COL21A1: variants seen among roughly 807,000 people sequenced by gnomAD.
COL21A1 encodes the protein collagen alpha-1(XXI) chain.
A neutral mutation model predicts 137.9 loss-of-function variants in COL21A1; 149 were observed. That is an observed-to-expected ratio of 1.08 (90% CI 0.95 to 1.24). The LOEUF is 1.24. Among genes scored for constraint, COL21A1 ranks in the 50% most tolerant of loss-of-function variants. COL21A1 has a pLI of 0.00. For missense variants in COL21A1, 1,167 were observed against 1,158.4 expected, an observed-to-expected ratio of 1.01 and a Z score of -0.11; for synonymous variants, 456 against 391.5, an observed-to-expected ratio of 1.16 and a Z score of -1.95.
chr6:56,068,330 A>T (rs140641558), intron 22 of COL21A1, among the ~76,000 whole-genome samples: 1 of 151,714 alleles, frequency 6.6e-6, no homozygotes, highest in African/African-American at 2.4e-5. Flanking sequence ...ATAAAAACCG[A>T]TAGATTTACT....
intron 14 of COL21A1, 47 bp downstream of exon 14, chr6:56,125,520 A>G: frequency 7.4e-7 from 1 of 1,349,450 alleles, no homozygotes. Flanking sequence ...TGTTTCCATT[A>G]CATTAAAAGT....
chr6:56,371,969 G>A (rs2093989963), intron 1 of COL21A1, among the ~76,000 whole-genome samples: 1 of 152,160 alleles, frequency 6.6e-6, no homozygotes. Flanking sequence ...AAGAAACAGG[G>A]AGGCCAGAGG....
chr6:56,168,378 T>A (rs1776763343), intron 5 of COL21A1, 81 bp from the exon 6 acceptor site: 1 of 1,192,404 alleles, frequency 8.4e-7, no homozygotes, highest in Non-Finnish European at 1.1e-6. Context: ...CCCTTGTTCC[T>A]AACCATTGCT....
At chr6:56,260,684 G>T (rs1366027598) in intron 1 of COL21A1, among the ~76,000 whole-genome samples, 6 of 126,658 alleles carry the variant, frequency 4.7e-5, no homozygotes, top group Non-Finnish European at 8.3e-5. Context: ...AGGAAGGAAG[G>T]AAGGAAGGCA....
At chr6:56,166,770 A>G (rs1582536305) in intron 7 of COL21A1, 136 bp downstream of exon 7, 1 of 749,684 alleles carries the variant, frequency 1.3e-6, no homozygotes, top group African/African-American at 1.7e-5. Flanking sequence ...GCTTCATGTA[A>G]CTTCACTTCC....
chr6:56,135,430 A>T (rs17219063), intron 12 of COL21A1, among the ~76,000 whole-genome samples: 22,795 of 152,014 alleles, frequency 0.15, 1,745 homozygotes, highest in Middle Eastern at 0.22. Context: ...TAAACTATAC[A>T]GGTGAAAATT....
chr6:56,373,474 T>C (rs1431218253), intron 1 of COL21A1, among the ~76,000 whole-genome samples: 3 of 152,056 alleles, frequency 2.0e-5, no homozygotes, highest in Non-Finnish European at 4.4e-5. Context: ...TGGTGGCACA[T>C]GCCTGTAGTC....
At position 56,060,152 on chromosome 6, in the gene COL21A1, C is replaced by G. The variant is rs1453847218; in HGVS notation, c.2474G>C (p.Gly825Ala). ...RNCDHCLSQH[G>A]SPGIPGPPGP... ...AGGTGGCCCAGGAATACCCGGGGAG[C>G]CATGTTGGGACAGGCAATGATCACA... Residue 825 changes from glycine (G) to alanine (A), a missense_variant, in exon 28 of 30, where the codon GGC (glycine) becomes GCC (alanine). Physicochemically the swap from Gly to Ala is moderately conservative, Grantham distance 60. Transcript: ENST00000244728. 1 of 1,611,108 alleles carries G rather than the reference C, an allele frequency of 6.2e-7. No homozygotes were observed. Among genetic ancestry groups the G allele is most frequent in the East Asian group, 2.2e-5 (1 of 44,496 alleles).
intron 3 of COL21A1, among the ~76,000 whole-genome samples, chr6:56,171,485 T>C (rs1418512159): frequency 6.6e-6 from 1 of 151,958 alleles, no homozygotes; most frequent in Non-Finnish European, 1.5e-5. Flanking sequence ...GAACAGGATT[T>C]ATCATTCTCA....
At chr6:56,122,563 A>T (rs1381146501) in intron 16 of COL21A1, among the ~76,000 whole-genome samples, 3 of 152,204 alleles carry the variant, frequency 2.0e-5, no homozygotes, top group Non-Finnish European at 4.4e-5. Flanking sequence ...GAGGTTTCAT[A>T]ACTCTGTAAA....
chr6:56,373,221 G>A (rs2093993253), intron 1 of COL21A1, among the ~76,000 whole-genome samples: 1 of 152,222 alleles, frequency 6.6e-6, no homozygotes, highest in Admixed American at 6.5e-5. Context: ...ATTCCAGTTG[G>A]TGAACATAGT....
intron 1 of COL21A1, among the ~76,000 whole-genome samples, chr6:56,212,547 A>G (rs1473656556): frequency 2.6e-5 from 4 of 152,038 alleles, no homozygotes; most frequent in Non-Finnish European, 5.9e-5. Flanking sequence ...TAAACTTGAA[A>G]CTTTTCCCTT....
intron 16 of COL21A1, among the ~76,000 whole-genome samples, chr6:56,116,459 C>T (rs886865683): frequency 4.1e-4 from 60 of 146,398 alleles, no homozygotes; most frequent in Admixed American, 9.5e-4. Context: ...CAAAAATATC[C>T]TTCAACATGA....
chr6:56,076,213 C>G (rs1767222851), intron 18 of COL21A1, among the ~76,000 whole-genome samples: 1 of 151,392 alleles, frequency 6.6e-6, no homozygotes, highest in Non-Finnish European at 1.5e-5. Context: ...AAGCAGGAAT[C>G]TTCAATACCT....
intron 1 of COL21A1, among the ~76,000 whole-genome samples, chr6:56,282,236 A>G (rs190249176): frequency 2.0e-4 from 31 of 152,306 alleles, no homozygotes; most frequent in Admixed American, 1.7e-3. Flanking sequence ...GAGGATTTCA[A>G]TAGAATTCTA....
Position 56,216,241 on chromosome 6 carries a change from A to T in COL21A1, c.-39+31146T>A, listed in dbSNP as rs1269936524. On this transcript the variant is annotated intron_variant, in intron 1 of 29. Transcript: ENST00000244728. ...GCGATATGGGACCTATTGCTGCATTAGTGGCCGTGTTCCAACCAACCAAGC... is the reference window on the plus strand; with the variant it reads ...GCGATATGGGACCTATTGCTGCATTTGTGGCCGTGTTCCAACCAACCAAGC... 3.3e-5 allele frequency among the ~76,000 whole-genome samples: 5 copies of T among 152,084 alleles called. No homozygotes were observed. The East Asian group carries it at 9.6e-4, about 29-fold the overall frequency.
intron 1 of COL21A1, among the ~76,000 whole-genome samples, chr6:56,190,067 G>A (rs9357894): frequency 0.63 from 95,127 of 151,860 alleles, 30,106 homozygotes; most frequent in East Asian, 0.86. Context: ...TCAAAAGCTA[G>A]CAGAAGACAA....
chr6:56,242,583 CAGA>C (rs1434879549), intron 1 of COL21A1, among the ~76,000 whole-genome samples: 1 of 152,104 alleles, frequency 6.6e-6, no homozygotes, highest in East Asian at 1.9e-4. Context: ...GCAGGATTCC[CAGA>C]AGGTCACTAA....
Position 56,060,148 on chromosome 6 carries a change from GGA to G in COL21A1, c.2476_2477del (p.Ser826ProfsTer117). The G allele has an allele frequency of 6.2e-7, 1 of 1,611,356 alleles. No homozygotes were observed. Among genetic ancestry groups the G allele is most frequent in the Non-Finnish European group, 8.5e-7 (1 of 1,179,180 alleles). On this transcript the variant is annotated frameshift_variant, in exon 28 of 30. Coordinates refer to ENST00000244728, the MANE Select transcript of COL21A1 (RefSeq NM_030820.4). LOFTEE classifies it high-confidence loss of function. The part of the protein sequence containing the change: ...NCDHCLSQHG[S>X]PGIPGPPGPI... Reference sequence around the variant, plus strand: ...GACCAGGTGGCCCAGGAATACCCGGGGAGCCATGTTGGGACAGGCAATGATCA... The same window carrying G: ...GACCAGGTGGCCCAGGAATACCCGGGGCCATGTTGGGACAGGCAATGATCA...
Sources: allele counts gnomAD v4.1 joint callset (sites outside exome capture counted in the v4.1 genomes callset), GRCh38; gene constraint gnomAD v4.1.1; transcripts MANE v1.5; gene names NCBI Gene and HGNC (gene_info 2026-07-23, HGNC 2026-07-21).